Variants in ATP6V1H observed in about 807,000 individuals in gnomAD.
ATP6V1H encodes the protein V-type proton ATPase subunit H.
In ATP6V1H, 39 loss-of-function variants were observed where a neutral mutation model predicts 71.7. The observed-to-expected ratio is 0.54, with a 90% CI of 0.42 to 0.71. ATP6V1H has a LOEUF of 0.71. Among genes scored for constraint, ATP6V1H ranks in the 30% least tolerant of loss-of-function variants. The pLI, the probability that ATP6V1H is intolerant of heterozygous loss-of-function variation, is 0.00. For synonymous variants in ATP6V1H, 192 were observed against 199.3 expected, an observed-to-expected ratio of 0.96 and a Z score of 0.31; for missense variants, 509 against 594.9, an observed-to-expected ratio of 0.86 and a Z score of 1.50.
chr8:53,786,204 C>A (rs1389370519), intron 9 of ATP6V1H, among the ~76,000 whole-genome samples: 1 of 152,226 alleles, frequency 6.6e-6, no homozygotes, highest in African/African-American at 2.4e-5. Flanking sequence ...AGCTTCCAGG[C>A]CGCTTCGTTT....
intron 4 of ATP6V1H, among the ~76,000 whole-genome samples, chr8:53,823,573 G>T (rs953845022): frequency 3.3e-5 from 5 of 152,208 alleles, no homozygotes; most frequent in Non-Finnish European, 5.9e-5. Flanking sequence ...CACCTCTCAG[G>T]TTCAAGTGAT....
chr8:53,766,746 C>T (rs1808486033), intron 11 of ATP6V1H, among the ~76,000 whole-genome samples: 1 of 152,286 alleles, frequency 6.6e-6, no homozygotes, highest in Admixed American at 6.5e-5. Flanking sequence ...CCATAGCGTT[C>T]CCAGGCTTAT....
chr8:53,718,902 T>G (rs932043825), intron 13 of ATP6V1H, among the ~76,000 whole-genome samples: 6 of 152,184 alleles, frequency 3.9e-5, no homozygotes, highest in Non-Finnish European at 7.3e-5. Flanking sequence ...GGTGGAACTT[T>G]GTGAGCCTGG....
rs115174966 is a variant in ATP6V1H, at chr8:53,790,423, C to T, written c.870+5224G>A. On this transcript the variant is annotated intron_variant, in intron 9 of 13. Coordinates refer to ENST00000359530, the MANE Select transcript of ATP6V1H (RefSeq NM_015941.4). ...AGCCCTGGTGCCAACAACCACCCCA[C>T]GACCAGCCCTTTATACAGTCACAAA... 5.0e-3 allele frequency among the ~76,000 whole-genome samples: 758 copies of T among 152,280 alleles called. 9 individuals are homozygous for T. The highest frequency in any genetic ancestry group is 0.017 in the African/African-American group (695 of 41,550).
rs532798622 is a variant in ATP6V1H at position 53,776,329 on chromosome 8, C to A, written c.871-4162G>T. Among the ~76,000 whole-genome samples the A allele has an allele frequency of 1.2e-3, 179 of 152,308 alleles. 2 individuals carry two copies. Among genetic ancestry groups the A allele is most frequent in the Non-Finnish European group, 2.2e-3 (148 of 68,020 alleles). On this transcript the variant is annotated intron_variant, in intron 9 of 13. Transcript: ENST00000359530. ...GGGAGTGGGCTCTGGCCTTGGCCAG[C>A]CGAGAAAGGGGCTCCCACAGTGCAG...
chr8:53,792,182 C>A (rs577647091), intron 9 of ATP6V1H, among the ~76,000 whole-genome samples: 2 of 152,254 alleles, frequency 1.3e-5, no homozygotes, highest in East Asian at 1.9e-4. Flanking sequence ...AAGAGCAGAG[C>A]CACCATGGTG....
At chr8:53,794,661 C>T (rs1809673116) in intron 9 of ATP6V1H, among the ~76,000 whole-genome samples, 1 of 152,178 alleles carries the variant, frequency 6.6e-6, no homozygotes, top group African/African-American at 2.4e-5. Context: ...CCACCACACC[C>T]AGCCCCACTT....
chr8:53,803,015 T>C (rs1363787659), intron 7 of ATP6V1H, among the ~76,000 whole-genome samples: 2 of 152,140 alleles, frequency 1.3e-5, no homozygotes, highest in Non-Finnish European at 2.9e-5. Flanking sequence ...TCCTTAAATA[T>C]GTACAATAAG....
intron 9 of ATP6V1H, among the ~76,000 whole-genome samples, chr8:53,780,032 GC>G (rs2130356227): frequency 6.6e-6 from 1 of 152,010 alleles, no homozygotes; most frequent in Admixed American, 6.5e-5. Context: ...GGTGCTGCAT[GC>G]CTGTAATCAC....
intron 4 of ATP6V1H, 117 bp downstream of exon 4, chr8:53,829,327 T>C (rs1810920732): frequency 1.5e-6 from 1 of 658,546 alleles, no homozygotes. Flanking sequence ...GAAAAATATA[T>C]TATTATGCTC....
At chr8:53,716,507 G>A (rs993221923) in intron 13 of ATP6V1H, among the ~76,000 whole-genome samples, 4 of 152,186 alleles carry the variant, frequency 2.6e-5, no homozygotes, top group African/African-American at 7.2e-5. Context: ...ACAAGAGTAC[G>A]TGAAAATAAA....
In ATP6V1H at chr8:53,754,872, C is replaced by A. The variant is rs185169861; in HGVS notation, c.1277+1683G>T. ...ATTGAGTCCTTATTTTAAGGCGAGA[C>A]TGGCCTATTTGTCTATGCCACCAGC... On this transcript the variant is annotated intron_variant, in intron 12 of 13. Coordinates refer to ENST00000359530, the MANE Select transcript of ATP6V1H (RefSeq NM_015941.4). Among the ~76,000 whole-genome samples the A allele has an allele frequency of 4.9e-4, 74 of 152,310 alleles. No homozygotes were observed. The East Asian group carries it at 0.014, about 28-fold the overall frequency.
chr8:53,824,321 T>A (rs577159185), intron 4 of ATP6V1H, among the ~76,000 whole-genome samples: 1 of 152,282 alleles, frequency 6.6e-6, no homozygotes, highest in Admixed American at 6.5e-5. Context: ...TAATGCTAAA[T>A]AAATTGTTGC....
chr8:53,799,485 T>G (rs141114660), intron 8 of ATP6V1H, among the ~76,000 whole-genome samples: 1 of 152,080 alleles, frequency 6.6e-6, no homozygotes, highest in South Asian at 2.1e-4. Flanking sequence ...CAGAAAAGAG[T>G]TAACAGCAAA....
At chr8:53,841,062 T>C (rs1055865741) in intron 2 of ATP6V1H, among the ~76,000 whole-genome samples, 2 of 152,214 alleles carry the variant, frequency 1.3e-5, no homozygotes, top group Non-Finnish European at 2.9e-5. Flanking sequence ...TGTCTCCCCA[T>C]TTCACATTTT....
chr8:53,752,663 G>C (rs1179391523), intron 12 of ATP6V1H, among the ~76,000 whole-genome samples: 1 of 152,024 alleles, frequency 6.6e-6, no homozygotes, highest in Non-Finnish European at 1.5e-5. Context: ...CGATTATCCT[G>C]CCTCAGCCTC....
intron 12 of ATP6V1H, among the ~76,000 whole-genome samples, chr8:53,753,605 T>C (rs1807880831): frequency 6.6e-6 from 1 of 152,228 alleles, no homozygotes; most frequent in South Asian, 2.1e-4. Flanking sequence ...TTTAAAACTA[T>C]CATATTTTTA....
At chr8:53,824,064 G>GA (rs967197298) in intron 4 of ATP6V1H, among the ~76,000 whole-genome samples, 1 of 150,410 alleles carries the variant, frequency 6.6e-6, no homozygotes, top group African/African-American at 2.4e-5. Context: ...TGCAAATAGA[G>GA]AAAAAAATTT....
At chr8:53,811,248 T>G in intron 6 of ATP6V1H, 31 bp from the exon 7 acceptor site, 1 of 1,603,652 alleles carries the variant, frequency 6.2e-7, no homozygotes, top group Non-Finnish European at 8.5e-7. Flanking sequence ...CATTATTTAG[T>G]TTTGTTTTGA....
Sources: gnomAD v4.1 joint callset for allele counts (sites outside exome capture counted in the v4.1 genomes callset) on GRCh38, gnomAD v4.1.1 for gene constraint, MANE v1.5 for transcripts, NCBI Gene and HGNC (gene_info 2026-07-23, HGNC 2026-07-21) for gene names.